CPEB4: variants seen among roughly 807,000 people sequenced by gnomAD.
CPEB4 encodes the protein cytoplasmic polyadenylation element binding protein 4, also known as cytoplasmic polyadenylation element-binding protein 4.
CPEB4 carries 12 observed loss-of-function variants against 72.5 expected under a neutral mutation model. The observed-to-expected ratio is 0.17, with a 90% CI of 0.11 to 0.27. CPEB4 has a LOEUF of 0.27. Ranked by LOEUF, CPEB4 falls within the 10% of genes least tolerant of loss-of-function variation. The pLI is 1.00. For missense variants in CPEB4, 614 were observed against 908.5 expected, an observed-to-expected ratio of 0.68 and a Z score of 4.17; for synonymous variants, 302 against 326.3, an observed-to-expected ratio of 0.93 and a Z score of 0.80.
intron 1 of CPEB4, among the ~76,000 whole-genome samples, chr5:173,904,188 G>C (rs560779134): frequency 4.0e-4 from 61 of 152,250 alleles, no homozygotes; most frequent in Admixed American, 1.3e-3. Context: ...ACCTAACATT[G>C]ATGGAATTAT....
At chr5:173,912,271 T>C (rs1215120953) in intron 2 of CPEB4, among the ~76,000 whole-genome samples, 2 of 152,130 alleles carry the variant, frequency 1.3e-5, no homozygotes, top group Admixed American at 1.3e-4. Context: ...AAATGAAGAG[T>C]CTAAGGTGCT....
intron 1 of CPEB4, among the ~76,000 whole-genome samples, chr5:173,908,343 GTT>G (rs1756519691): frequency 6.6e-6 from 1 of 152,214 alleles, no homozygotes; most frequent in African/African-American, 2.4e-5. Context: ...GGGCAAAGAT[GTT>G]CTGGAGGGAG....
At chr5:173,890,910 G>A in intron 1 of CPEB4, 52 bp downstream of exon 1, 3 of 1,518,642 alleles carry the variant, frequency 2.0e-6, no homozygotes, top group Non-Finnish European at 2.7e-6. Context: ...ATAGCATGGT[G>A]TAATATCTAT....
chr5:173,953,309 T>G (rs1171612383), intron 9 of CPEB4, 37 bp downstream of exon 9: 1 of 1,406,482 alleles, frequency 7.1e-7, no homozygotes, highest in African/African-American at 1.4e-5. Flanking sequence ...ATTCTAGAAA[T>G]GGTCCTCTAA....
chr5:173,927,427 G>A (rs532795117), intron 2 of CPEB4, among the ~76,000 whole-genome samples: 1 of 152,256 alleles, frequency 6.6e-6, no homozygotes, highest in South Asian at 2.1e-4. Flanking sequence ...GAAATGATTA[G>A]GTAAGAAAGT....
intron 9 of CPEB4, 48 bp downstream of exon 9, chr5:173,953,320 A>C: frequency 7.4e-7 from 1 of 1,342,544 alleles, no homozygotes; most frequent in Non-Finnish European, 1.0e-6. Flanking sequence ...GGTCCTCTAA[A>C]TGTGTGATTA....
chr5:173,906,918 T>C, intron 1 of CPEB4, among the ~76,000 whole-genome samples: 1 of 152,142 alleles, frequency 6.6e-6, no homozygotes, highest in East Asian at 1.9e-4. Context: ...TGGGGCAGGG[T>C]AGTGGGAGGA....
intron 1 of CPEB4, among the ~76,000 whole-genome samples, chr5:173,906,835 A>C (rs1214937097): frequency 6.6e-6 from 1 of 152,260 alleles, no homozygotes; most frequent in Non-Finnish European, 1.5e-5. Context: ...TTAGGATTTT[A>C]GTTTTAATGT....
At chr5:173,890,984 T>C in intron 1 of CPEB4, 126 bp downstream of exon 1, 2 of 896,756 alleles carry the variant, frequency 2.2e-6, no homozygotes, top group South Asian at 3.9e-5. Context: ...AATGAATCAA[T>C]AACCAGACTT....
At chr5:173,926,930 C>T (rs1048746555) in intron 2 of CPEB4, among the ~76,000 whole-genome samples, 2 of 152,148 alleles carry the variant, frequency 1.3e-5, no homozygotes, top group African/African-American at 4.8e-5. Context: ...GGAGGCATCA[C>T]CTGAGGTCAG....
chr5:173,924,855 G>A (rs12519997), intron 2 of CPEB4, among the ~76,000 whole-genome samples: 80,732 of 151,622 alleles, frequency 0.53, 21,963 homozygotes, highest in South Asian at 0.59. Context: ...AGGCTCTGGG[G>A]TAGCACACCC....
chr5:173,918,228 G>A (rs1436346321), intron 2 of CPEB4: 1 of 152,160 alleles, frequency 6.6e-6, no homozygotes, highest in East Asian at 1.9e-4. Flanking sequence ...CTGTGCTGTA[G>A]GATGGGACCT....
chr5:173,904,779 A>G (rs1756365772), intron 1 of CPEB4, among the ~76,000 whole-genome samples: 1 of 151,908 alleles, frequency 6.6e-6, no homozygotes, highest in South Asian at 2.1e-4. Flanking sequence ...TAAATTGTGT[A>G]AGTTTTCTTT....
At chr5:173,901,619 T>C (rs1181240983) in intron 1 of CPEB4, among the ~76,000 whole-genome samples, 2 of 152,232 alleles carry the variant, frequency 1.3e-5, no homozygotes, top group African/African-American at 4.8e-5. Context: ...GAACATCTGC[T>C]CTGAAGTCAG....
chr5:173,931,132 A>T (rs72812822), intron 2 of CPEB4, among the ~76,000 whole-genome samples: 3,585 of 152,272 alleles, frequency 0.024, 68 homozygotes, highest in Middle Eastern at 0.065. Flanking sequence ...ATTACTATGG[A>T]GACTGTTTCA....
At chr5:173,949,116 A>G (rs1057049326) in intron 5 of CPEB4, among the ~76,000 whole-genome samples, 1 of 152,240 alleles carries the variant, frequency 6.6e-6, no homozygotes, top group African/African-American at 2.4e-5. Flanking sequence ...TGGATCAGAA[A>G]GGATTTTGAA....
intron 1 of CPEB4, among the ~76,000 whole-genome samples, chr5:173,897,895 C>G (rs1359159736): frequency 6.6e-6 from 1 of 152,080 alleles, no homozygotes; most frequent in Non-Finnish European, 1.5e-5. Context: ...GATTTACATT[C>G]TATGACAAAA....
At chr5:173,904,616 G>C (rs186346162) in intron 1 of CPEB4, among the ~76,000 whole-genome samples, 1 of 152,098 alleles carries the variant, frequency 6.6e-6, no homozygotes, top group Non-Finnish European at 1.5e-5. Context: ...AACCCTTAGA[G>C]TGCCTCCTTT....
intron 2 of CPEB4, among the ~76,000 whole-genome samples, chr5:173,929,825 TA>T (rs1757376263): frequency 6.6e-6 from 1 of 152,234 alleles, no homozygotes; most frequent in Non-Finnish European, 1.5e-5. Context: ...TTCTTGGAGA[TA>T]ATAAGACATT....
Sources: allele counts gnomAD v4.1 joint callset (sites outside exome capture counted in the v4.1 genomes callset), GRCh38; gene constraint gnomAD v4.1.1; transcripts MANE v1.5; gene names NCBI Gene and HGNC (gene_info 2026-07-23, HGNC 2026-07-21).